Variants in ZNF704 observed in about 807,000 individuals in gnomAD.
ZNF704 encodes zinc finger protein 704.
Under a neutral mutation model 44.7 loss-of-function variants are expected in ZNF704, and 10 were observed. The observed-to-expected ratio is 0.22, with a 90% CI of 0.14 to 0.38. The LOEUF (loss-of-function observed/expected upper bound fraction) is 0.38. Ranked by LOEUF, ZNF704 falls within the 10% of genes least tolerant of loss-of-function variation. The pLI, the probability that ZNF704 is intolerant of heterozygous loss-of-function variation, is 1.00. For missense variants in ZNF704, 390 were observed against 545.5 expected (o/e 0.71, Z 2.84); for synonymous variants, 211 against 207.6 (o/e 1.02, Z -0.14).
chr8:80,786,652 A>G (rs2129729557), intron 2 of ZNF704, among the ~76,000 whole-genome samples: 1 of 152,328 alleles, frequency 6.6e-6, no homozygotes, highest in Admixed American at 6.5e-5. Flanking sequence ...ACTTTATCAT[A>G]AAGAGAAATG....
At chr8:80,700,845 C>T (rs555602630) in intron 2 of ZNF704, among the ~76,000 whole-genome samples, 71 of 152,134 alleles carry the variant, frequency 4.7e-4, no homozygotes, top group Non-Finnish European at 9.4e-4. Context: ...TGGATTTTGG[C>T]GGTCACTTGC....
chr8:80,689,493 T>C (rs1261894131), intron 3 of ZNF704, among the ~76,000 whole-genome samples: 1 of 152,174 alleles, frequency 6.6e-6, no homozygotes, highest in East Asian at 1.9e-4. Context: ...GATTTGCCTA[T>C]TGTAAATAAG....
chr8:80,721,172 A>T (rs1819160160), intron 2 of ZNF704, among the ~76,000 whole-genome samples: 1 of 152,210 alleles, frequency 6.6e-6, no homozygotes. Flanking sequence ...AGAGTCTAAT[A>T]GAGAGTATGA....
At chr8:80,781,429 A>G (rs1807520707) in intron 2 of ZNF704, among the ~76,000 whole-genome samples, 1 of 152,210 alleles carries the variant, frequency 6.6e-6, no homozygotes, top group Admixed American at 6.5e-5. Context: ...CTGAAATTTG[A>G]ATTTCATATA....
intron 5 of ZNF704, among the ~76,000 whole-genome samples, chr8:80,669,286 C>T (rs1818242780): frequency 1.2e-4 from 19 of 152,168 alleles, no homozygotes; most frequent in Admixed American, 1.2e-3. Context: ...GATGAGATTT[C>T]AGGGGAGACA....
intron 2 of ZNF704, among the ~76,000 whole-genome samples, chr8:80,697,835 T>C (rs1298786104): frequency 6.6e-6 from 1 of 152,230 alleles, no homozygotes; most frequent in Non-Finnish European, 1.5e-5. Flanking sequence ...TTGCTTTTCT[T>C]GTTCAGCACC....
intron 1 of ZNF704, among the ~76,000 whole-genome samples, chr8:80,841,551 G>A (rs868596265): frequency 2.1e-4 from 32 of 152,174 alleles, no homozygotes; most frequent in Middle Eastern, 3.4e-3. Context: ...AAGAATCCAC[G>A]TGTTATTGAG....
the ZNF704 span, among the ~76,000 whole-genome samples, chr8:80,883,823 G>A: frequency 6.6e-6 from 1 of 152,140 alleles, no homozygotes; most frequent in East Asian, 1.9e-4. Flanking sequence ...TTTCCAATTA[G>A]GGTATTTCGA....
upstream of ZNF704, among the ~76,000 whole-genome samples, chr8:80,877,505 G>A (rs1261043633): frequency 6.6e-6 from 1 of 152,250 alleles, no homozygotes; most frequent in Non-Finnish European, 1.5e-5. Context: ...TGCCAAGCAA[G>A]TGGGGAAGAG....
intron 2 of ZNF704, among the ~76,000 whole-genome samples, chr8:80,764,325 T>C (rs1448384575): frequency 1.3e-5 from 2 of 152,144 alleles, no homozygotes; most frequent in Non-Finnish European, 2.9e-5. Context: ...CTTAGAGTCA[T>C]GGTGGAAGAT....
chr8:80,661,822 G>A (rs1818106686), intron 6 of ZNF704, among the ~76,000 whole-genome samples: 1 of 152,096 alleles, frequency 6.6e-6, no homozygotes, highest in Non-Finnish European at 1.5e-5. Flanking sequence ...AGAGATGTTG[G>A]TTAGTAGGTA....
At chr8:80,731,642 A>G (rs946870252) in intron 2 of ZNF704, among the ~76,000 whole-genome samples, 1 of 152,266 alleles carries the variant, frequency 6.6e-6, no homozygotes, top group African/African-American at 2.4e-5. Flanking sequence ...ACATGTGCCT[A>G]TAGTCCCAGC....
intron 2 of ZNF704, among the ~76,000 whole-genome samples, chr8:80,780,319 TAA>T (rs1666927927): frequency 6.6e-6 from 1 of 152,168 alleles, no homozygotes. Flanking sequence ...CAGAAATTTC[TAA>T]GAGATTCCTA....
intron 5 of ZNF704, among the ~76,000 whole-genome samples, chr8:80,665,644 C>T (rs1034538696): frequency 1.3e-5 from 2 of 152,004 alleles, no homozygotes; most frequent in South Asian, 2.1e-4. Context: ...AGCCATGTAA[C>T]AAAACTGCAC....
chr8:80,668,668 G>A (rs1371970166), intron 5 of ZNF704, among the ~76,000 whole-genome samples: 1 of 152,224 alleles, frequency 6.6e-6, no homozygotes, highest in Non-Finnish European at 1.5e-5. Flanking sequence ...AATGGAGTGA[G>A]ATTGAAAAGT....
chr8:80,670,375 G>T, intron 5 of ZNF704, 128 bp downstream of exon 5: 1 of 667,012 alleles, frequency 1.5e-6, no homozygotes, highest in Non-Finnish European at 2.7e-6. Flanking sequence ...TCTCTCTAGA[G>T]ATTAGGAAGA....
chr8:80,810,318 T>C (rs776855570), intron 2 of ZNF704, among the ~76,000 whole-genome samples: 18 of 152,160 alleles, frequency 1.2e-4, no homozygotes, highest in Non-Finnish European at 2.5e-4. Flanking sequence ...ACTCTATTTA[T>C]AGGAGAGAGA....
At chr8:80,648,094 C>A (rs1222016296) in intron 7 of ZNF704, among the ~76,000 whole-genome samples, 2 of 152,080 alleles carry the variant, frequency 1.3e-5, no homozygotes, top group Non-Finnish European at 2.9e-5. Context: ...TATAACAAAC[C>A]CACTCTCCTG....
rs73270393 is a variant in ZNF704 at position 80,862,858 on chromosome 8, G to C, written c.-22+11713C>G. On this transcript the variant is annotated intron_variant, in intron 1 of 8. Transcript: ENST00000327835. ...TAAAAGCACACTTTCAGAGCCTCTTGAACACCCACCAGCCACTCATGTCAT... is the reference window on the plus strand; with the variant it reads ...TAAAAGCACACTTTCAGAGCCTCTTCAACACCCACCAGCCACTCATGTCAT... Among the ~76,000 whole-genome samples, 1,382 of 149,174 alleles carry C rather than the reference G, an allele frequency of 9.3e-3. 27 individuals carry two copies. The highest frequency in any genetic ancestry group is 0.032 in the African/African-American group (1,302 of 40,640).
Sources: allele counts gnomAD v4.1 joint callset (sites outside exome capture counted in the v4.1 genomes callset), GRCh38; gene constraint gnomAD v4.1.1; transcripts MANE v1.5; gene names NCBI Gene and HGNC (gene_info 2026-07-23, HGNC 2026-07-21).